Variants in THSD7A observed in about 807,000 individuals in gnomAD.
The protein encoded by THSD7A is thrombospondin type 1 domain containing 7A, also known as thrombospondin type-1 domain-containing protein 7A.
Under a neutral mutation model 231.3 loss-of-function variants are expected in THSD7A, and 96 were observed. The observed-to-expected ratio is 0.41, with a 90% CI of 0.35 to 0.49. The LOEUF is 0.49. Ranked by LOEUF, THSD7A falls within the 20% of genes least tolerant of loss-of-function variation. The pLI, the probability that THSD7A is intolerant of heterozygous loss-of-function variation, is 0.05. For synonymous variants in THSD7A, 940 were observed against 743.3 expected, an observed-to-expected ratio of 1.26 and a Z score of -4.30; for missense variants, 2,290 against 2,070.2, an observed-to-expected ratio of 1.11 and a Z score of -2.06.
At chr7:11,809,895 C>G (rs1455577828) in intron 1 of THSD7A, among the ~76,000 whole-genome samples, 1 of 151,996 alleles carries the variant, frequency 6.6e-6, no homozygotes, top group Non-Finnish European at 1.5e-5. Context: ...TGATTTTATT[C>G]TATATTTTGG....
intron 2 of THSD7A, among the ~76,000 whole-genome samples, chr7:11,608,632 A>C (rs1255946325): frequency 2.0e-5 from 3 of 152,178 alleles, no homozygotes; most frequent in African/African-American, 7.2e-5. Context: ...ATTCGTAAAA[A>C]TATAAGAAAA....
chr7:11,807,992 T>C (rs943252108), intron 1 of THSD7A, among the ~76,000 whole-genome samples: 5 of 152,124 alleles, frequency 3.3e-5, no homozygotes, highest in Admixed American at 2.0e-4. Flanking sequence ...ACCTGTCTTC[T>C]ATGCTCCCCA....
At chr7:11,578,837 TAG>T (rs1348187396) in intron 4 of THSD7A, among the ~76,000 whole-genome samples, 1 of 152,280 alleles carries the variant, frequency 6.6e-6, no homozygotes, top group African/African-American at 2.4e-5. Context: ...ATGCTTAGCT[TAG>T]AGAGAGTTCT....
At chr7:11,413,456 G>A (rs1783856086) in intron 17 of THSD7A, among the ~76,000 whole-genome samples, 1 of 152,002 alleles carries the variant, frequency 6.6e-6, no homozygotes, top group African/African-American at 2.4e-5. Flanking sequence ...CTCTGCACCT[G>A]ATCAACCAAT....
chr7:11,722,637 C>T (rs1562504444), intron 1 of THSD7A, among the ~76,000 whole-genome samples: 1 of 151,966 alleles, frequency 6.6e-6, no homozygotes. Flanking sequence ...TGTAAAAACC[C>T]TAGCCTCTAA....
chr7:11,439,596 C>T (rs762560205), intron 13 of THSD7A, among the ~76,000 whole-genome samples: 2 of 151,964 alleles, frequency 1.3e-5, no homozygotes, highest in Non-Finnish European at 2.9e-5. Context: ...TAAGAAAGTA[C>T]TAGAGTGTTA....
At position 11,417,336 on chromosome 7, in the gene THSD7A, GCAAA is replaced by G. The variant is rs943812157; in HGVS notation, c.3537+110_3537+113del. The G allele has an allele frequency of 1.2e-4, 133 of 1,076,806 alleles. 1 individual carries two copies. In the African/African-American group the frequency reaches 1.9e-3, roughly 16 times the overall value. The allele number at this position is 1,076,806 out of a possible 1,614,324, so 66.7% of individuals were successfully genotyped here. ...GACACACCTTGCTTTGCTAAATATG[GCAAA>G]CAAACAGATTTTACATTGAAGTTAT... On this transcript the variant is annotated intron_variant, in intron 17 of 27. Coordinates refer to ENST00000423059, the MANE Select transcript of THSD7A (RefSeq NM_015204.3).
At chr7:11,390,937 C>CAAAG (rs1583656170) in intron 23 of THSD7A, among the ~76,000 whole-genome samples, 1 of 152,248 alleles carries the variant, frequency 6.6e-6, no homozygotes, top group East Asian at 1.9e-4. Flanking sequence ...TACAGAACAG[C>CAAAG]AAAGATTGCT....
chr7:11,733,475 T>G (rs1781805689), intron 1 of THSD7A, among the ~76,000 whole-genome samples: 1 of 151,958 alleles, frequency 6.6e-6, no homozygotes, highest in African/African-American at 2.4e-5. Context: ...TCAAGAGTTT[T>G]GGATAACTTT....
rs568336202 is a variant in THSD7A, at chr7:11,736,601, T to C, written c.190+95156A>G. On this transcript the variant is annotated intron_variant, in intron 1 of 27. Transcript: ENST00000423059. ...GCTATAATAAGAAAGTTCTGAATAA[T>C]GTTTTTATCTTTTCTGTACCCAAAT... Among the ~76,000 whole-genome samples, 14 of 152,204 alleles carry C rather than the reference T, an allele frequency of 9.2e-5. 1 individual carries two copies. The highest frequency in any genetic ancestry group is 3.1e-4 in the African/African-American group (13 of 41,568).
At chr7:11,823,714 A>G (rs1045597859) in intron 1 of THSD7A, among the ~76,000 whole-genome samples, 2 of 151,946 alleles carry the variant, frequency 1.3e-5, no homozygotes, top group African/African-American at 4.8e-5. Context: ...TTTTGCCGCT[A>G]TTGTAAATTG....
intron 23 of THSD7A, among the ~76,000 whole-genome samples, chr7:11,387,142 C>G (rs868237475): frequency 2.0e-5 from 3 of 152,180 alleles, no homozygotes; most frequent in Middle Eastern, 3.4e-3. Context: ...AGTCAGGTAG[C>G]ATGATGCCTC....
chr7:11,415,061 G>A (rs1783914888), intron 17 of THSD7A, among the ~76,000 whole-genome samples: 1 of 152,184 alleles, frequency 6.6e-6, no homozygotes, highest in African/African-American at 2.4e-5. Flanking sequence ...TTCACACACA[G>A]TGAACTATAC....
intron 6 of THSD7A, among the ~76,000 whole-genome samples, chr7:11,538,410 A>G (rs1445464964): frequency 6.6e-6 from 1 of 152,168 alleles, no homozygotes; most frequent in Non-Finnish European, 1.5e-5. Flanking sequence ...TCAAGTAAGG[A>G]ATAATACTTT....
At chr7:11,477,202 C>T (rs1786228067) in intron 7 of THSD7A, among the ~76,000 whole-genome samples, 1 of 152,148 alleles carries the variant, frequency 6.6e-6, no homozygotes, top group Admixed American at 6.6e-5. Context: ...TGTTAGTCTC[C>T]TTAAATCTTG....
At chr7:11,571,737 T>C (rs188681013) in intron 4 of THSD7A, among the ~76,000 whole-genome samples, 1 of 152,338 alleles carries the variant, frequency 6.6e-6, no homozygotes, top group African/African-American at 2.4e-5. Context: ...TTCATTGTCT[T>C]GCAGACTTCA....
rs770955480 is a variant in THSD7A at position 11,636,245 on chromosome 7, T to C, written c.907A>G (p.Lys303Glu). The stretch of plus-strand genomic sequence containing the variant: ...CTGTTCTGCCTGTTTCTGTTTCTCT[T>C]TTTCTTAATAAGCTCGCGGGCTTCT... ...DPEARELIKK[K>E]RNRNRQNRQE... Residue 303 changes from lysine to glutamate, a missense_variant, in exon 2 of 28, where the codon AAG (lysine) becomes GAG (glutamate). Transcript: ENST00000423059. The surrounding 1 kb of genome is among the most constrained non-coding windows in gnomAD (Gnocchi z 10.0). 1.2e-6 allele frequency: 2 copies of C among 1,614,042 alleles called. No individual in the cohort carries two copies. The highest frequency in any genetic ancestry group is 4.5e-5 in the East Asian group (2 of 44,880).
At chr7:11,813,913 A>T (rs771197902) in intron 1 of THSD7A, among the ~76,000 whole-genome samples, 7 of 152,164 alleles carry the variant, frequency 4.6e-5, no homozygotes, top group Non-Finnish European at 7.3e-5. Flanking sequence ...AATAGCCAAA[A>T]GGTAGGAACA....
At chr7:11,710,327 T>C (rs1160344971) in intron 1 of THSD7A, among the ~76,000 whole-genome samples, 1 of 150,862 alleles carries the variant, frequency 6.6e-6, no homozygotes, top group Non-Finnish European at 1.5e-5. Context: ...TAAACACATG[T>C]ACTTCCTGTA....
Sources: allele counts gnomAD v4.1 joint callset (sites outside exome capture counted in the v4.1 genomes callset), GRCh38; gene constraint gnomAD v4.1.1; non-coding constraint Gnocchi (gnomAD v3.1); transcripts MANE v1.5; gene names NCBI Gene and HGNC (gene_info 2026-07-23, HGNC 2026-07-21).